Variants in POMGNT1 observed in about 807,000 individuals in gnomAD.
POMGNT1 encodes protein O-linked-mannose beta-1,2-N-acetylglucosaminyltransferase 1.
A neutral mutation model predicts 95.6 loss-of-function variants in POMGNT1; 67 were observed. That is an observed-to-expected ratio of 0.70 (90% CI 0.58 to 0.86). The LOEUF is 0.86. POMGNT1 is among the 40% of genes least tolerant of loss of function. POMGNT1 has a pLI of 0.00. For missense variants in POMGNT1, 719 were observed against 855.2 expected, an observed-to-expected ratio of 0.84 and a Z score of 1.99; for synonymous variants, 298 against 317.9, an observed-to-expected ratio of 0.94 and a Z score of 0.66.
intron 1 of POMGNT1, among the ~76,000 whole-genome samples, chr1:46,210,856 C>A (rs140079551): frequency 6.6e-6 from 1 of 152,152 alleles, no homozygotes; most frequent in Non-Finnish European, 1.5e-5. Context: ...CTCACTGCAG[C>A]CTGTACTTCT....
At chr1:46,197,503 A>C in intron 2 of POMGNT1, 199 bp downstream of exon 2, 1 of 1,495,006 alleles carries the variant, frequency 6.7e-7, no homozygotes, top group Non-Finnish European at 8.9e-7. Context: ...GAAGCTTAGA[A>C]GTTGTACTTG....
At chr1:46,203,391 G>T, upstream of POMGNT1, 2 of 1,432,952 alleles carry the variant, frequency 1.4e-6, no homozygotes, top group Non-Finnish European at 9.2e-7. Context: ...GGTCCCCGGC[G>T]TCCGGTCGCC....
At chr1:46,195,031 A>G (rs1658119445) in intron 6 of POMGNT1, 70 bp from the exon 7 acceptor site, 1 of 1,361,790 alleles carries the variant, frequency 7.3e-7, no homozygotes, top group Admixed American at 1.7e-5. Context: ...CAGAGCACGA[A>G]CTATGTAGCA....
upstream of POMGNT1, among the ~76,000 whole-genome samples, chr1:46,200,430 C>G (rs892614950): frequency 1.3e-5 from 2 of 152,186 alleles, no homozygotes; most frequent in African/African-American, 4.8e-5. Flanking sequence ...CCTAGATTTC[C>G]TGTGGGTTCC....
At chr1:46,213,620 A>G (rs1658972374) in intron 1 of POMGNT1, among the ~76,000 whole-genome samples, 1 of 152,074 alleles carries the variant, frequency 6.6e-6, no homozygotes, top group Non-Finnish European at 1.5e-5. Context: ...GCACTCTGGG[A>G]GGCTGAGGTG....
intron 1 of POMGNT1, chr1:46,203,605 T>C (rs1431666612): frequency 1.3e-6 from 2 of 1,598,704 alleles, no homozygotes; most frequent in African/African-American, 1.4e-5. Context: ...GACAAGATCA[T>C]GGCGCTGAAG....
chr1:46,216,964 A>G (rs550698218), intron 1 of POMGNT1, among the ~76,000 whole-genome samples: 3 of 152,376 alleles, frequency 2.0e-5, no homozygotes, highest in Admixed American at 1.3e-4. Context: ...TGCAAAGGAC[A>G]TGATTTCATT....
At position 46,189,108 on chromosome 1, in the gene POMGNT1, G is replaced by C. The variant is rs1033658109; in HGVS notation, c.*162C>G. 4 of 1,497,452 alleles carry C rather than the reference G, an allele frequency of 2.7e-6. No homozygotes were observed. Among genetic ancestry groups the C allele is most frequent in the Non-Finnish European group, 3.5e-6 (4 of 1,127,018 alleles). 92.8% of individuals were successfully genotyped at this position (1,497,452 alleles called of 1,614,324 possible). On this transcript the variant is annotated 3_prime_UTR_variant, in exon 22 of 22. Coordinates refer to ENST00000371984, the MANE Select transcript of POMGNT1 (RefSeq NM_017739.4). ...CTTTTAACTCAGGAACGGGGTGTTG[G>C]AGCAGGGGAACCCTCCCCTTGGAGT... is the stretch of plus-strand genomic sequence containing the variant.
Position 46,197,063 on chromosome 1 carries a change from G to T in POMGNT1, c.142C>A (p.Leu48Met). The T allele has an allele frequency of 6.2e-7, 1 of 1,614,160 alleles. No individual in the cohort carries two copies. Among genetic ancestry groups the T allele is most frequent in the Non-Finnish European group, 8.5e-7 (1 of 1,180,012 alleles). The stretch of plus-strand genomic sequence containing the variant: ...TTGATATTGACAATGACAGTCACCA[G>T]CAGGAAAAGCACGGCCCCTGTCTGA... ...FCQTGAVLFL[L>M]VTVIVNIKLI... Residue 48 changes from leucine to methionine, a missense_variant, in exon 3 of 22, where the codon CTG becomes ATG. By Grantham distance (15) the Leu-to-Met change is conservative. This residue lies in a region of POMGNT1 where 466 missense variants were observed against 517.4 expected (regional missense o/e 0.90). Transcript: ENST00000371984.
In POMGNT1 at chr1:46,189,368, A is replaced by T. The variant is rs1331734071; in HGVS notation, c.1896-11T>A. 3 of 1,614,102 alleles carry T rather than the reference A, an allele frequency of 1.9e-6. No individual in the cohort carries two copies. The Admixed American group carries it at 5.0e-5, about 27-fold the overall frequency. On this transcript the variant is annotated splice_polypyrimidine_tract_variant and intron_variant, in intron 21 of 21. Transcript: ENST00000371984. ...GGTGGCTTCTTCACTCTGGGAAAAT[A>T]ATACAAGAATGTATAGAGAAGAAGC...
rs535470194 is a variant in POMGNT1, at chr1:46,198,118, C to T, written c.-51+218G>A. On this transcript the variant is annotated intron_variant, in intron 1 of 21. Coordinates refer to ENST00000371984, the MANE Select transcript of POMGNT1 (RefSeq NM_017739.4). ...TGTCCAAGGGTGGAGGCCAAATAAT[C>T]GGCTCAAAGTTCGTTAGCCCCTACA... The T allele has an allele frequency of 2.3e-4, 102 of 445,062 alleles. 1 individual carries two copies. The highest frequency in any genetic ancestry group is 1.7e-3 in the African/African-American group (87 of 50,770). The allele number at this position is 445,062 out of a possible 1,614,324, so 27.6% of individuals were successfully genotyped here. A position where few individuals can be genotyped will look rare whatever the true frequency, so the allele number is the denominator to read the frequency against.
chr1:46,211,766 T>C (rs191814227), intron 1 of POMGNT1, among the ~76,000 whole-genome samples: 173 of 152,248 alleles, frequency 1.1e-3, no homozygotes, highest in African/African-American at 4.0e-3. Context: ...TGTACAAATA[T>C]ATATATATAT....
chr1:46,199,153 G>T (rs1185450205), upstream of POMGNT1, among the ~76,000 whole-genome samples: 1 of 152,190 alleles, frequency 6.6e-6, no homozygotes, highest in African/African-American at 2.4e-5. Flanking sequence ...TGTTGGCCAG[G>T]CTGGTCTTGA....
chr1:46,203,811 C>T (rs1658626426), intron 1 of POMGNT1, among the ~76,000 whole-genome samples: 1 of 152,014 alleles, frequency 6.6e-6, no homozygotes, highest in Non-Finnish European at 1.5e-5. Context: ...TACTTGTCCC[C>T]CAAGAGTGAG....
intron 1 of POMGNT1, among the ~76,000 whole-genome samples, chr1:46,210,106 C>G (rs888958519): frequency 6.6e-6 from 1 of 152,146 alleles, no homozygotes; most frequent in African/African-American, 2.4e-5. Flanking sequence ...TAAGCAGGAA[C>G]AATTTCTCCA....
At chr1:46,203,379 C>A, upstream of POMGNT1, 2 of 1,428,164 alleles carry the variant, frequency 1.4e-6, no homozygotes, top group Non-Finnish European at 1.8e-6. Flanking sequence ...CCCCCGGGAG[C>A]CGGTCCCCGG....
Position 46,219,549 on chromosome 1 carries a change from C to G in POMGNT1, c.-51+156G>C, listed in dbSNP as rs887063680. ...GCTGAAATGTTAGGCAGCAGTCTGT[C>G]TGCTTCTGAAGCCTACACTGCAAGC... is the stretch of plus-strand genomic sequence containing the variant. On this transcript the variant is annotated intron_variant, in intron 1 of 22. Coordinates refer to the POMGNT1 transcript ENST00000371992. 10 of 761,176 alleles carry G rather than the reference C, an allele frequency of 1.3e-5. No individual in the cohort carries two copies. In the Admixed American group the frequency reaches 2.9e-4, roughly 22 times the overall value. 47.2% of individuals were successfully genotyped at this position (761,176 alleles called of 1,614,324 possible). A position where few individuals can be genotyped will look rare whatever the true frequency, so the allele number is the denominator to read the frequency against.
intron 1 of POMGNT1, among the ~76,000 whole-genome samples, chr1:46,206,125 A>G (rs573922368): frequency 3.9e-5 from 6 of 152,290 alleles, no homozygotes; most frequent in Admixed American, 1.3e-4. Flanking sequence ...TGCTATGACA[A>G]CCCACCTCCA....
intron 1 of POMGNT1, among the ~76,000 whole-genome samples, chr1:46,204,561 G>C (rs1456331502): frequency 6.6e-6 from 1 of 152,188 alleles, no homozygotes; most frequent in Non-Finnish European, 1.5e-5. Context: ...GTGCCAAGCT[G>C]GTCTGTGAAG....
Sources: allele counts gnomAD v4.1 joint callset (sites outside exome capture counted in the v4.1 genomes callset), GRCh38; gene constraint gnomAD v4.1.1; regional missense constraint gnomAD v4.1.1; transcripts MANE v1.5; gene names NCBI Gene and HGNC (gene_info 2026-07-23, HGNC 2026-07-21).